VDAC1: variants seen among roughly 807,000 people sequenced by gnomAD.
VDAC1 encodes the protein voltage dependent anion channel 1.
Under a neutral mutation model 34.7 loss-of-function variants are expected in VDAC1, and 10 were observed. The observed-to-expected ratio is 0.29, with a 90% CI of 0.18 to 0.49. VDAC1 has a LOEUF of 0.49. VDAC1 is among the 20% of genes least tolerant of loss of function. VDAC1 has a pLI of 0.99. For missense variants in VDAC1, 230 were observed against 347.9 expected (o/e 0.66, Z 2.69); for synonymous variants, 130 against 136.0 (o/e 0.96, Z 0.30).
At chr5:134,062,098 T>A in the VDAC1 span, among the ~76,000 whole-genome samples, 1 of 151,578 alleles carries the variant, frequency 6.6e-6, no homozygotes, top group East Asian at 1.9e-4. Flanking sequence ...GCGATTCTCC[T>A]GCCTCAGCCT....
chr5:134,069,172 G>A, the VDAC1 span, among the ~76,000 whole-genome samples: 1 of 152,076 alleles, frequency 6.6e-6, no homozygotes, highest in Non-Finnish European at 1.5e-5. Context: ...ATGAATTACA[G>A]TAATAATCTG....
chr5:134,057,943 C>T, the VDAC1 span, among the ~76,000 whole-genome samples: 1 of 152,170 alleles, frequency 6.6e-6, no homozygotes, highest in Non-Finnish European at 1.5e-5. Flanking sequence ...GTCACCCAGG[C>T]TGGAGTGCAG....
the VDAC1 span, among the ~76,000 whole-genome samples, chr5:134,067,035 C>A: frequency 9.3e-5 from 14 of 149,872 alleles, no homozygotes; most frequent in African/African-American, 3.4e-4. Flanking sequence ...TTCTTTGCTT[C>A]TTTTTCCCCC....
the VDAC1 span, among the ~76,000 whole-genome samples, chr5:134,095,391 GGT>G: frequency 6.6e-6 from 1 of 151,964 alleles, no homozygotes; most frequent in Admixed American, 6.6e-5. Context: ...GCTGAGGTGG[GGT>G]GATTGCTTGA....
At chr5:134,055,588 G>GTTTTTTTTTT in the VDAC1 span, among the ~76,000 whole-genome samples, 6 of 59,614 alleles carry the variant, frequency 1.0e-4, no homozygotes, top group African/African-American at 1.4e-4. Context: ...CCCCGCTAAT[G>GTTTTTTTTTT]TTTTTTTTTT....
the VDAC1 span, among the ~76,000 whole-genome samples, chr5:134,083,647 G>A: frequency 6.6e-6 from 1 of 152,202 alleles, no homozygotes; most frequent in Non-Finnish European, 1.5e-5. Context: ...AGCTGGCCGT[G>A]GTACCCCTCT....
the VDAC1 span, among the ~76,000 whole-genome samples, chr5:134,035,909 G>C: frequency 6.6e-6 from 1 of 151,366 alleles, no homozygotes; most frequent in Non-Finnish European, 1.5e-5. Flanking sequence ...GGGAGGCTGA[G>C]GCAGGAGAAT....
the VDAC1 span, among the ~76,000 whole-genome samples, chr5:134,101,715 G>T: frequency 1.3e-5 from 2 of 152,172 alleles, no homozygotes; most frequent in African/African-American, 4.8e-5. Flanking sequence ...GTAGGGTCGG[G>T]ACTCCTGACT....
intron 1 of VDAC1, among the ~76,000 whole-genome samples, chr5:133,995,669 C>T (rs1442098278): frequency 1.3e-5 from 2 of 152,122 alleles, no homozygotes; most frequent in East Asian, 1.9e-4. Flanking sequence ...ACTGATCTGA[C>T]GGAACTAAGG....
At chr5:134,009,246 T>C (rs1021840406), upstream of VDAC1, among the ~76,000 whole-genome samples, 1 of 147,780 alleles carries the variant, frequency 6.8e-6, no homozygotes, top group African/African-American at 2.5e-5. Context: ...ATTTATCAAT[T>C]CTTTTTTTTT....
chr5:134,014,420 A>G, the VDAC1 span, among the ~76,000 whole-genome samples: 1 of 152,240 alleles, frequency 6.6e-6, no homozygotes, highest in African/African-American at 2.4e-5. Flanking sequence ...AATGGGTATT[A>G]TTAAAAAGTT....
chr5:134,036,010 A>C, the VDAC1 span, among the ~76,000 whole-genome samples: 1 of 151,730 alleles, frequency 6.6e-6, no homozygotes, highest in African/African-American at 2.4e-5. Flanking sequence ...CATCTCAAAA[A>C]AAAAAAAAAA....
the VDAC1 span, among the ~76,000 whole-genome samples, chr5:134,063,203 T>C: frequency 6.6e-6 from 1 of 152,184 alleles, no homozygotes; most frequent in Non-Finnish European, 1.5e-5. Context: ...GAAATTAACA[T>C]TGATATATTA....
the VDAC1 span, among the ~76,000 whole-genome samples, chr5:134,058,864 C>G: frequency 6.6e-6 from 1 of 152,234 alleles, no homozygotes; most frequent in Admixed American, 6.5e-5. Context: ...CAGGGAACTG[C>G]AGCCCCAGCA....
the VDAC1 span, among the ~76,000 whole-genome samples, chr5:134,087,238 C>T: frequency 6.6e-6 from 1 of 152,066 alleles, no homozygotes; most frequent in Non-Finnish European, 1.5e-5. Flanking sequence ...GAGAGTGGAA[C>T]AGATCAGGCC....
chr5:134,060,880 C>CTTTTTTTTTTTTTTTTT, the VDAC1 span, among the ~76,000 whole-genome samples: 49 of 98,666 alleles, frequency 5.0e-4, 4 homozygotes, highest in African/African-American at 1.1e-3. Flanking sequence ...TCTTCTTCTT[C>CTTTTTTTTTTTTTTTTT]TTTTTTTTTT....
At chr5:134,011,701 G>A in the VDAC1 span, among the ~76,000 whole-genome samples, 93 of 149,404 alleles carry the variant, frequency 6.2e-4, no homozygotes, top group African/African-American at 2.0e-3. Flanking sequence ...GTGCAGTGGC[G>A]TGATCTCAGC....
chr5:134,068,592 TTTTTC>T, the VDAC1 span, among the ~76,000 whole-genome samples: 1 of 152,258 alleles, frequency 6.6e-6, no homozygotes, highest in South Asian at 2.1e-4. Flanking sequence ...TAATTTTTCT[TTTTTC>T]TGTGGTTTCT....
chr5:134,102,247 C>G, the VDAC1 span, among the ~76,000 whole-genome samples: 1 of 152,076 alleles, frequency 6.6e-6, no homozygotes, highest in Admixed American at 6.5e-5. Context: ...GGCTGAGGAA[C>G]GGGCCACAGG....
Sources: gnomAD v4.1 joint callset for allele counts (sites outside exome capture counted in the v4.1 genomes callset) on GRCh38, gnomAD v4.1.1 for gene constraint, MANE v1.5 for transcripts, NCBI Gene and HGNC (gene_info 2026-07-23, HGNC 2026-07-21) for gene names.